The following MEGF9 variants were observed in gnomAD, a reference collection of about 807,000 sequenced individuals.
MEGF9 encodes the protein multiple epidermal growth factor-like domains protein 9.
A neutral mutation model predicts 46.8 loss-of-function variants in MEGF9; 6 were observed. That is an observed-to-expected ratio of 0.13 (90% CI 0.07 to 0.25). The LOEUF (loss-of-function observed/expected upper bound fraction) is 0.25. MEGF9 is among the 10% of genes least tolerant of loss of function. The pLI is 1.00. For missense variants in MEGF9, 683 were observed against 792.4 expected (o/e 0.86, Z 1.66); for synonymous variants, 302 against 330.7 (o/e 0.91, Z 0.94).
chr9:120,672,241 C>T (rs1363528359), intron 1 of MEGF9, among the ~76,000 whole-genome samples: 1 of 152,024 alleles, frequency 6.6e-6, no homozygotes, highest in South Asian at 2.1e-4. Flanking sequence ...TATTAGAAGT[C>T]CTAGACAGTG....
chr9:120,610,462 T>G (rs969338226), intron 4 of MEGF9, among the ~76,000 whole-genome samples: 3 of 152,190 alleles, frequency 2.0e-5, no homozygotes, highest in Non-Finnish European at 4.4e-5. Context: ...TTTCTGCCAT[T>G]CTTAAGTAGT....
chr9:120,654,757 T>C (rs895876834), intron 2 of MEGF9, among the ~76,000 whole-genome samples: 2 of 152,200 alleles, frequency 1.3e-5, no homozygotes, highest in Non-Finnish European at 2.9e-5. Context: ...GACAGCTCCA[T>C]GCATGTTATT....
At chr9:120,665,770 A>C (rs537638954) in intron 1 of MEGF9, among the ~76,000 whole-genome samples, 23 of 152,248 alleles carry the variant, frequency 1.5e-4, no homozygotes, top group African/African-American at 5.5e-4. Flanking sequence ...TAATTTTTTT[A>C]AAAGATGAAA....
At chr9:120,705,186 TAAG>T (rs1381830549) in intron 1 of MEGF9, among the ~76,000 whole-genome samples, 1 of 152,128 alleles carries the variant, frequency 6.6e-6, no homozygotes, top group Non-Finnish European at 1.5e-5. Context: ...ATTTTCATAT[TAAG>T]AAGGCTTCAT....
chr9:120,660,934 C>T (rs1030389302), intron 1 of MEGF9, among the ~76,000 whole-genome samples: 2 of 152,116 alleles, frequency 1.3e-5, no homozygotes, highest in South Asian at 2.1e-4. Flanking sequence ...ATCTTTGATA[C>T]TATTTTTGAT....
chr9:120,664,409 A>C, intron 1 of MEGF9, among the ~76,000 whole-genome samples: 1 of 152,218 alleles, frequency 6.6e-6, no homozygotes, highest in Admixed American at 6.5e-5. Context: ...ATGCTCAAGC[A>C]GTTTGGAACA....
At position 120,622,883 on chromosome 9, in the gene MEGF9, G is replaced by C. The variant is rs1587976264; in HGVS notation, c.804-128C>G. 5 of 867,488 alleles carry C rather than the reference G, an allele frequency of 5.8e-6. No homozygotes were observed. In the East Asian group the frequency reaches 1.4e-4, roughly 24 times the overall value. The allele number at this position is 867,488 out of a possible 1,614,324, so 53.7% of individuals were successfully genotyped here. A position where few individuals can be genotyped will look rare whatever the true frequency, so the allele number is the denominator to read the frequency against. On this transcript the variant is annotated intron_variant, in intron 2 of 5. Coordinates refer to ENST00000373930, the MANE Select transcript of MEGF9 (RefSeq NM_001080497.3). ...TATACTTACCATATCTCAAAGCCTTGTGTCCAAATAAATCACCTATCAAAT... is the reference window on the plus strand; with the variant it reads ...TATACTTACCATATCTCAAAGCCTTCTGTCCAAATAAATCACCTATCAAAT...
intron 2 of MEGF9, among the ~76,000 whole-genome samples, chr9:120,646,093 T>C (rs2043625176): frequency 6.6e-6 from 1 of 152,114 alleles, no homozygotes; most frequent in African/African-American, 2.4e-5. Flanking sequence ...AATGCAAAAA[T>C]TACAAAATTT....
chr9:120,667,954 G>A (rs187611447), intron 1 of MEGF9, among the ~76,000 whole-genome samples: 1 of 152,344 alleles, frequency 6.6e-6, no homozygotes, highest in African/African-American at 2.4e-5. Context: ...AAACCTGGGA[G>A]GCAGAGGTTG....
At chr9:120,708,313 C>T (rs558961762) in intron 1 of MEGF9, among the ~76,000 whole-genome samples, 3 of 152,222 alleles carry the variant, frequency 2.0e-5, no homozygotes, top group African/African-American at 4.8e-5. Context: ...TGTAGTGATC[C>T]GAGATGGCAC....
intron 1 of MEGF9, among the ~76,000 whole-genome samples, chr9:120,671,482 A>T: frequency 6.6e-6 from 1 of 152,242 alleles, no homozygotes; most frequent in East Asian, 1.9e-4. Context: ...ACTACGGGGA[A>T]TATTATGCAT....
chr9:120,604,255 G>C lies in MEGF9; in HGVS notation c.*935C>G, dbSNP rs2043409962. On this transcript the variant is annotated 3_prime_UTR_variant, in exon 6 of 6. Transcript: ENST00000373930. ...TAAATTTCAGCAATGTCCTCAAGAA[G>C]GACTAAAAATGACGGATGCTCACCA... 1 of 152,294 alleles carries C rather than the reference G, an allele frequency of 6.6e-6. No individual in the cohort carries two copies. The highest frequency in any genetic ancestry group is 2.4e-5 in the African/African-American group (1 of 41,418). 9.4% of individuals were successfully genotyped at this position (152,294 alleles called of 1,614,324 possible).
At chr9:120,651,705 T>G (rs1587984523) in intron 2 of MEGF9, among the ~76,000 whole-genome samples, 1 of 149,764 alleles carries the variant, frequency 6.7e-6, no homozygotes. Flanking sequence ...CAGGCTGGAG[T>G]GCAATGGCAT....
intron 2 of MEGF9, among the ~76,000 whole-genome samples, chr9:120,631,487 A>AT (rs35207016): frequency 0.63 from 91,580 of 145,906 alleles, 29,386 homozygotes; most frequent in South Asian, 0.74. Flanking sequence ...ATTTGATTGC[A>AT]TTTTTTTTTT....
Position 120,714,072 on chromosome 9 carries a change from G to A in MEGF9, c.287C>T (p.Pro96Leu), listed in dbSNP as rs775946385. 10 of 1,276,330 alleles carry A rather than the reference G, an allele frequency of 7.8e-6. No individual in the cohort carries two copies. Among genetic ancestry groups the A allele is most frequent in the Middle Eastern group, 2.1e-4 (1 of 4,782 alleles). 79.1% of individuals were successfully genotyped at this position (1,276,330 alleles called of 1,614,324 possible). The change falls in exon 1 of 6, where the codon CCA (proline) becomes CTA (leucine). Residue 96 changes from proline to leucine, a missense_variant. Pro to Leu is a moderately conservative substitution (Grantham distance 98). This residue lies in a region of MEGF9 where 370 missense variants were observed against 371.3 expected (regional missense o/e 1.00). Coordinates refer to ENST00000373930, the MANE Select transcript of MEGF9 (RefSeq NM_001080497.3). ...TVHRPLAATS[P>L]AQSPETTPLW... is the part of the protein sequence containing the mutation. ...AGGGGTGGTCTCCGGGGACTGGGCTGGAGAAGTCGCAGCCAGGGGTCGGTG... is the reference window on the plus strand; with the variant it reads ...AGGGGTGGTCTCCGGGGACTGGGCTAGAGAAGTCGCAGCCAGGGGTCGGTG...
chr9:120,641,504 G>A (rs1447328077), intron 2 of MEGF9, among the ~76,000 whole-genome samples: 1 of 152,140 alleles, frequency 6.6e-6, no homozygotes, highest in Non-Finnish European at 1.5e-5. Flanking sequence ...GTTCTAGTTT[G>A]CATCTGCATA....
At chr9:120,700,661 C>T (rs536590897) in intron 1 of MEGF9, among the ~76,000 whole-genome samples, 13 of 152,236 alleles carry the variant, frequency 8.5e-5, no homozygotes, top group Admixed American at 7.8e-4. Flanking sequence ...AATAACCCTT[C>T]CCAATCCCTA....
intron 2 of MEGF9, among the ~76,000 whole-genome samples, chr9:120,649,581 T>C (rs1354208771): frequency 6.6e-6 from 1 of 152,236 alleles, no homozygotes; most frequent in East Asian, 1.9e-4. Context: ...CAACCACCCA[T>C]GACCCTAAAC....
At chr9:120,701,469 G>A (rs2043904764) in intron 1 of MEGF9, among the ~76,000 whole-genome samples, 1 of 152,034 alleles carries the variant, frequency 6.6e-6, no homozygotes, top group South Asian at 2.1e-4. Flanking sequence ...TTTTCCAAAT[G>A]AATAAATTTT....
Sources: allele counts gnomAD v4.1 joint callset (sites outside exome capture counted in the v4.1 genomes callset), GRCh38; gene constraint gnomAD v4.1.1; regional missense constraint gnomAD v4.1.1; transcripts MANE v1.5; gene names NCBI Gene and HGNC (gene_info 2026-07-23, HGNC 2026-07-21).